RALGAPB: variants seen among roughly 807,000 people sequenced by gnomAD.
The protein encoded by RALGAPB is ral GTPase-activating protein subunit beta.
Under a neutral mutation model 161.1 loss-of-function variants are expected in RALGAPB, and 25 were observed. The observed-to-expected ratio is 0.16, with a 90% CI of 0.11 to 0.22. RALGAPB has a LOEUF of 0.22. RALGAPB is among the 10% of genes least tolerant of loss of function. The probability of loss-of-function intolerance (pLI) is 1.00; values close to 1 mark genes in which losing one functional copy is unlikely to be tolerated. For synonymous variants in RALGAPB, 629 were observed against 626.1 expected (o/e 1.00, Z -0.07); for missense variants, 1,391 against 1,815.2 (o/e 0.77, Z 4.25).
At chr20:38,480,448 G>GTGA (rs2084933743) in intron 1 of RALGAPB, among the ~76,000 whole-genome samples, 1 of 147,880 alleles carries the variant, frequency 6.8e-6, no homozygotes, top group Non-Finnish European at 1.5e-5. Flanking sequence ...GTGCAGTGGC[G>GTGA]TGATCTTGGC....
At chr20:38,496,074 C>T (rs1321551483) in intron 3 of RALGAPB, among the ~76,000 whole-genome samples, 1 of 152,162 alleles carries the variant, frequency 6.6e-6, no homozygotes, top group Non-Finnish European at 1.5e-5. Context: ...TAGACACAAG[C>T]TTGAGCCTTA....
At chr20:38,509,248 A>G (rs200693592) in intron 6 of RALGAPB, 40 bp downstream of exon 6, 1 of 1,589,716 alleles carries the variant, frequency 6.3e-7, no homozygotes. Context: ...TTTACCTAGT[A>G]AGTATCTTAG....
intron 13 of RALGAPB, among the ~76,000 whole-genome samples, chr20:38,528,584 GTCTCGGACTTCTGGGCT>G (rs1223674554): frequency 6.6e-6 from 1 of 152,036 alleles, no homozygotes; most frequent in African/African-American, 2.4e-5. Context: ...GCCCAGGCTG[GTCTCGGACTTCTGGGCT>G]TCTCCAGTCC....
chr20:38,511,214 A>C (rs6015245), intron 6 of RALGAPB, among the ~76,000 whole-genome samples: 7 of 152,354 alleles, frequency 4.6e-5, no homozygotes, highest in African/African-American at 1.7e-4. Context: ...ACAGAGAAGA[A>C]AAGAGAAAGT....
intron 5 of RALGAPB, 169 bp downstream of exon 5, chr20:38,499,802 T>C: frequency 2.1e-6 from 1 of 483,712 alleles, no homozygotes; most frequent in Non-Finnish European, 3.4e-6. Flanking sequence ...AGTGCCTGTT[T>C]AAAACATTTC....
Position 38,578,260 on chromosome 20 carries a change from G to A in RALGAPB, c.*3293G>A, listed in dbSNP as rs984196754. ...ACAGCCTCTTTTCCTGAGTTGGAGA[G>A]ATTGGAGGTGGTCTATCCGTACGAT... On this transcript the variant is annotated 3_prime_UTR_variant, in exon 30 of 30. Coordinates refer to ENST00000262879, the MANE Select transcript of RALGAPB (RefSeq NM_020336.4). 6.6e-6 allele frequency: 1 copy of A among 152,208 alleles called. No individual in the cohort carries two copies. The highest frequency in any genetic ancestry group is 1.5e-5 in the Non-Finnish European group (1 of 68,036). The allele number at this position is 152,208 out of a possible 1,614,324, so 9.4% of individuals were successfully genotyped here.
chr20:38,549,578 A>G (rs2087297818), intron 20 of RALGAPB, among the ~76,000 whole-genome samples: 1 of 73,476 alleles, frequency 1.4e-5, no homozygotes, highest in Admixed American at 1.6e-4. Flanking sequence ...ACACACACAC[A>G]TACATATACA....
chr20:38,528,699 G>C (rs1326576183), intron 13 of RALGAPB, among the ~76,000 whole-genome samples: 6 of 146,516 alleles, frequency 4.1e-5, no homozygotes, highest in Non-Finnish European at 9.0e-5. Context: ...TTTTTTTTTT[G>C]AGATGGAGTC....
At chr20:38,494,056 A>G (rs913750390) in intron 3 of RALGAPB, among the ~76,000 whole-genome samples, 3 of 152,152 alleles carry the variant, frequency 2.0e-5, no homozygotes, top group Admixed American at 6.5e-5. Flanking sequence ...CCTTGTGAGG[A>G]GAAGTCCTAC....
intron 23 of RALGAPB, among the ~76,000 whole-genome samples, chr20:38,561,793 A>T (rs1179179195): frequency 6.6e-6 from 1 of 152,222 alleles, no homozygotes; most frequent in African/African-American, 2.4e-5. Flanking sequence ...AACATTTAGC[A>T]GCATCTTTGG....
At chr20:38,483,956 C>T (rs571427822) in intron 1 of RALGAPB, among the ~76,000 whole-genome samples, 4 of 152,062 alleles carry the variant, frequency 2.6e-5, no homozygotes, top group Admixed American at 1.3e-4. Context: ...TTTGGGAGGC[C>T]GAGGTGGGTG....
intron 22 of RALGAPB, among the ~76,000 whole-genome samples, chr20:38,556,436 G>A (rs1291573743): frequency 6.6e-6 from 1 of 152,068 alleles, no homozygotes; most frequent in African/African-American, 2.4e-5. Context: ...TAGGTAGTAT[G>A]ACTTCTAGTT....
intron 28 of RALGAPB, among the ~76,000 whole-genome samples, chr20:38,572,148 A>C (rs559938279): frequency 9.8e-5 from 15 of 152,348 alleles, no homozygotes; most frequent in African/African-American, 3.4e-4. Context: ...ATAGCAGTTA[A>C]AATATCCTAA....
chr20:38,519,140 C>G (rs1460886755), intron 9 of RALGAPB, among the ~76,000 whole-genome samples: 1 of 152,066 alleles, frequency 6.6e-6, no homozygotes, highest in South Asian at 2.1e-4. Flanking sequence ...TTAGGGATGT[C>G]TTTGCTTGCT....
intron 23 of RALGAPB, among the ~76,000 whole-genome samples, chr20:38,561,931 T>C (rs2087799946): frequency 6.6e-6 from 1 of 152,228 alleles, no homozygotes; most frequent in Admixed American, 6.5e-5. Flanking sequence ...AATGAAGGAC[T>C]CTTTGTGAGG....
At position 38,524,859 on chromosome 20, in the gene RALGAPB, T is replaced by G; in HGVS notation, c.1701T>G (p.Ser567=). The G allele has an allele frequency of 6.2e-7, 1 of 1,606,094 alleles. No homozygotes were observed. The highest frequency in any genetic ancestry group is 1.3e-5 in the African/African-American group (1 of 74,870). Residue 567 remains serine, a synonymous_variant, in exon 11 of 30, where the codon TCT becomes TCG. Coordinates refer to ENST00000262879, the MANE Select transcript of RALGAPB (RefSeq NM_020336.4). ...TCTTGGCCAGCGTTATTCTAAACTC[T>G]CCTCCTTTGTTCTGCTGTGACTTGA... The part of the protein sequence containing the change: ...HPVLASVILN[S]PPLFCCDLKG...
rs377608454 is a variant in RALGAPB at position 38,567,223 on chromosome 20, C to T, written c.3945C>T (p.Ser1315=). 1.4e-5 allele frequency: 22 copies of T among 1,612,898 alleles called. No individual in the cohort carries two copies. The highest frequency in any genetic ancestry group is 1.9e-5 in the Non-Finnish European group (22 of 1,179,396). The part of the protein sequence containing the change: ...LFPNHTDNLN[S]SQRLSPSSRM... ...CCAATCATACAGACAATCTTAATTCCTCACAGAGGGTAAGTTACTTTGTTG... is the reference window on the plus strand; with the variant it reads ...CCAATCATACAGACAATCTTAATTCTTCACAGAGGGTAAGTTACTTTGTTG... Residue 1315 remains serine (S), a synonymous_variant, in exon 26 of 30, where the codon TCC becomes TCT. Coordinates refer to ENST00000262879, the MANE Select transcript of RALGAPB (RefSeq NM_020336.4).
chr20:38,495,023 C>T (rs867927411), intron 3 of RALGAPB, among the ~76,000 whole-genome samples: 3 of 152,182 alleles, frequency 2.0e-5, no homozygotes, highest in Admixed American at 6.5e-5. Flanking sequence ...TGAGAGGGTA[C>T]TCAACTGAGA....
At chr20:38,483,768 C>G (rs918146050) in intron 1 of RALGAPB, among the ~76,000 whole-genome samples, 1 of 152,152 alleles carries the variant, frequency 6.6e-6, no homozygotes, top group Non-Finnish European at 1.5e-5. Context: ...GAGGTTGATT[C>G]TTGCCTAGGA....
Sources: allele counts gnomAD v4.1 joint callset (sites outside exome capture counted in the v4.1 genomes callset), GRCh38; gene constraint gnomAD v4.1.1; transcripts MANE v1.5; gene names NCBI Gene and HGNC (gene_info 2026-07-23, HGNC 2026-07-21).